IL1RL1: variants seen among roughly 807,000 people sequenced by gnomAD.
IL1RL1 encodes interleukin 1 receptor like 1, also known as interleukin-1 receptor-like 1.
Under a neutral mutation model 50.9 loss-of-function variants are expected in IL1RL1, and 32 were observed. That is an observed-to-expected ratio of 0.63 (90% confidence interval 0.47 to 0.84). IL1RL1 has a LOEUF of 0.84. Among genes scored for constraint, IL1RL1 ranks in the 40% least tolerant of loss-of-function variants. The pLI is 0.00. For missense variants in IL1RL1, 773 were observed against 662.9 expected, an observed-to-expected ratio of 1.17 and a Z score of -1.82; for synonymous variants, 275 against 236.0, an observed-to-expected ratio of 1.17 and a Z score of -1.51.
chr2:102,340,239 C>T lies in IL1RL1; in HGVS notation c.414C>T (p.Leu138=). ...AAATTTATTGTCCTACCATTGACCT[C>T]TACAACTGGACAGCACCTCTTGAGT... is the stretch of plus-strand genomic sequence containing the variant. The part of the protein sequence containing the change: ...NSKIYCPTID[L]YNWTAPLEWF... Residue 138 remains leucine, a synonymous_variant, in exon 4 of 11, where the codon CTC becomes CTT. Coordinates refer to ENST00000233954, the MANE Select transcript of IL1RL1 (RefSeq NM_016232.5). 1 of 1,603,340 alleles carries T rather than the reference C, an allele frequency of 6.2e-7. No homozygotes were observed. Among genetic ancestry groups the T allele is most frequent in the Non-Finnish European group, 8.5e-7 (1 of 1,177,574 alleles).
intron 1 of IL1RL1, among the ~76,000 whole-genome samples, 165 bp downstream of exon 1, chr2:102,311,788 TTATAACAA>T (rs1676480591): frequency 9.2e-6 from 1 of 108,260 alleles, no homozygotes; most frequent in East Asian, 2.3e-4. Flanking sequence ...TGTTATAACA[TTATAACAA>T]TTATATATTA....
chr2:102,340,381 G>A (rs1038063161), intron 4 of IL1RL1, 109 bp downstream of exon 4: 7 of 928,206 alleles, frequency 7.5e-6, no homozygotes, highest in Middle Eastern at 3.3e-4. Context: ...GGGAGGCCAA[G>A]GCAGGCAGAT....
chr2:102,315,496 CT>C (rs752680826), intron 1 of IL1RL1, among the ~76,000 whole-genome samples: 1 of 152,130 alleles, frequency 6.6e-6, no homozygotes, highest in Non-Finnish European at 1.5e-5. Flanking sequence ...GACAAGTTTT[CT>C]TGGATTTCAT....
intron 5 of IL1RL1, chr2:102,341,040 T>C (rs947500395): frequency 1.6e-6 from 1 of 645,086 alleles, no homozygotes; most frequent in African/African-American, 1.9e-5. Flanking sequence ...ATTACATTAC[T>C]AATTCAAAGC....
Position 102,349,105 on chromosome 2 carries a change from G to T in IL1RL1, c.1144G>T (p.Val382Phe). Residue 382 changes from valine (V) to phenylalanine (F), a missense_variant, in exon 10 of 11, where the codon GTC becomes TTC. Coordinates refer to ENST00000233954, the MANE Select transcript of IL1RL1 (RefSeq NM_016232.5). ...NDGKLYDAYVVYPRNYKSSTD... is the reference protein window; with the variant it reads ...NDGKLYDAYVFYPRNYKSSTD... ...TGGAAAGCTCTATGATGCTTATGTT[G>T]TCTACCCACGGAACTACAAATCCAG... The T allele has an allele frequency of 6.2e-7, 1 of 1,613,716 alleles. No individual in the cohort carries two copies. The highest frequency in any genetic ancestry group is 8.5e-7 in the Non-Finnish European group (1 of 1,179,676).
chr2:102,338,144 A>G lies in IL1RL1; in HGVS notation c.-121A>G. 1.8e-6 allele frequency: 1 copy of G among 564,912 alleles called. No individual in the cohort carries two copies. Among genetic ancestry groups the G allele is most frequent in the Non-Finnish European group, 3.2e-6 (1 of 311,414 alleles). 35.0% of individuals were successfully genotyped at this position (564,912 alleles called of 1,614,324 possible). On this transcript the variant is annotated 5_prime_UTR_variant, in exon 2 of 11. Transcript: ENST00000233954. ...AGATATAGGCTACTCTTCCCAACTC[A>G]GTCTTGAAGAGTATCACCAACTGCC...
intron 1 of IL1RL1, among the ~76,000 whole-genome samples, chr2:102,322,614 G>C (rs1009031956): frequency 4.9e-4 from 75 of 152,274 alleles, no homozygotes; most frequent in African/African-American, 1.8e-3. Context: ...CATAATGAGA[G>C]AATATGATTT....
chr2:102,324,340 T>C (rs1676927767), intron 1 of IL1RL1, among the ~76,000 whole-genome samples: 1 of 152,208 alleles, frequency 6.6e-6, no homozygotes, highest in African/African-American at 2.4e-5. Flanking sequence ...TCAGTCTTTT[T>C]TATTAGCTAT....
At chr2:102,320,705 A>T (rs543370093) in intron 1 of IL1RL1, among the ~76,000 whole-genome samples, 1 of 152,208 alleles carries the variant, frequency 6.6e-6, no homozygotes, top group East Asian at 1.9e-4. Flanking sequence ...GACTGCTCTC[A>T]TATCCTGTCC....
At chr2:102,321,075 C>A (rs1160109598) in intron 1 of IL1RL1, among the ~76,000 whole-genome samples, 1 of 152,204 alleles carries the variant, frequency 6.6e-6, no homozygotes, top group African/African-American at 2.4e-5. Flanking sequence ...CTCGGACACA[C>A]CAGGCTTGCC....
At chr2:102,337,462 G>T (rs1559601692) in intron 1 of IL1RL1, 4 of 152,062 alleles carry the variant, frequency 2.6e-5, no homozygotes. Flanking sequence ...TTTAAGAAAA[G>T]AAGTAAGAAA....
chr2:102,338,788 T>A, intron 2 of IL1RL1, 49 bp from the exon 3 acceptor site: 1 of 1,372,974 alleles, frequency 7.3e-7, no homozygotes, highest in Non-Finnish European at 1.0e-6. Context: ...AGAATTATGA[T>A]CTTTTCATTT....
At chr2:102,323,310 T>C (rs1468258361) in intron 1 of IL1RL1, among the ~76,000 whole-genome samples, 1 of 148,518 alleles carries the variant, frequency 6.7e-6, no homozygotes, top group East Asian at 1.9e-4. Context: ...ATATATGGTG[T>C]ATATAATTTA....
chr2:102,337,149 T>C (rs1677355125), intron 1 of IL1RL1: 2 of 152,340 alleles, frequency 1.3e-5, no homozygotes, highest in Admixed American at 1.3e-4. Context: ...GAATTCTTAG[T>C]ACATGATGCA....
intron 1 of IL1RL1, among the ~76,000 whole-genome samples, chr2:102,336,785 A>G (rs1677341367): frequency 6.6e-6 from 1 of 152,046 alleles, no homozygotes; most frequent in Non-Finnish European, 1.5e-5. Flanking sequence ...ACATTCTGGA[A>G]CCTAGACAGA....
intron 3 of IL1RL1, chr2:102,339,316 T>C (rs1263261678): frequency 1.4e-5 from 5 of 364,140 alleles, no homozygotes; most frequent in Non-Finnish European, 2.5e-5. Context: ...GTGACCAAGA[T>C]AACTGAGAGC....
Position 102,343,162 on chromosome 2 carries a change from A to C in IL1RL1, c.809A>C (p.Glu270Ala), listed in dbSNP as rs1677640746. The C allele has an allele frequency of 6.2e-7, 1 of 1,614,022 alleles. No homozygotes were observed. Among genetic ancestry groups the C allele is most frequent in the African/African-American group, 1.3e-5 (1 of 74,896 alleles). Reference protein sequence around the residue: ...DFGEPRIQQEEGQNQSFSNGL... With the variant: ...DFGEPRIQQEAGQNQSFSNGL... Reference sequence around the variant, plus strand: ...GGTGAACCAAGAATTCAACAAGAGGAAGGGCAAAATCAAAGGTATTTTTAT... The same window carrying C: ...GGTGAACCAAGAATTCAACAAGAGGCAGGGCAAAATCAAAGGTATTTTTAT... Residue 270 changes from glutamate (E) to alanine (A), a missense_variant, in exon 7 of 11, where the codon GAA becomes GCA. Glu to Ala is a moderately radical substitution (Grantham distance 107). Transcript: ENST00000233954.
At chr2:102,327,191 T>A (rs1260522393) in intron 1 of IL1RL1, among the ~76,000 whole-genome samples, 1 of 152,082 alleles carries the variant, frequency 6.6e-6, no homozygotes, top group African/African-American at 2.4e-5. Flanking sequence ...GAACTCAGGA[T>A]TAAGAAACTT....
In IL1RL1 at chr2:102,344,603, G is replaced by A. The variant is rs572424907; in HGVS notation, c.970+1188G>A. Reference sequence around the variant, plus strand: ...GTTTGACAGTCTGCTCAACACGACTGCAAGCTCCATGAGGGCAGGGACATC... The same window carrying A: ...GTTTGACAGTCTGCTCAACACGACTACAAGCTCCATGAGGGCAGGGACATC... On this transcript the variant is annotated intron_variant, in intron 8 of 10. Coordinates refer to ENST00000233954, the MANE Select transcript of IL1RL1 (RefSeq NM_016232.5). 4 of 259,898 alleles carry A rather than the reference G, an allele frequency of 1.5e-5. No individual in the cohort carries two copies. The South Asian group carries it at 4.3e-4, about 28-fold the overall frequency. The allele number at this position is 259,898 out of a possible 1,614,324, so 16.1% of individuals were successfully genotyped here.
Sources: gnomAD v4.1 joint callset for allele counts (sites outside exome capture counted in the v4.1 genomes callset) on GRCh38, gnomAD v4.1.1 for gene constraint, MANE v1.5 for transcripts, NCBI Gene and HGNC (gene_info 2026-07-23, HGNC 2026-07-21) for gene names.